The following CACNA1E variants were observed in gnomAD, a reference collection of about 807,000 sequenced individuals.
CACNA1E encodes voltage-dependent R-type calcium channel subunit alpha-1E.
Under a neutral mutation model 259.2 loss-of-function variants are expected in CACNA1E, and 40 were observed. The observed-to-expected ratio is 0.15, with a 90% CI of 0.12 to 0.20. The LOEUF (loss-of-function observed/expected upper bound fraction) is 0.20, where lower values mean the gene tolerates loss of function less well. Among genes scored for constraint, CACNA1E ranks in the 10% least tolerant of loss-of-function variants. CACNA1E has a pLI of 1.00. For missense variants in CACNA1E, 1,874 were observed against 3,040.1 expected (o/e 0.62, Z 9.02); for synonymous variants, 1,104 against 1,138.5 (o/e 0.97, Z 0.61).
intron 26 of CACNA1E, chr1:181,751,911 G>A: frequency 6.0e-6 from 4 of 661,316 alleles, no homozygotes; most frequent in South Asian, 6.0e-5. Flanking sequence ...GTGTGTACGT[G>A]CATGTGGATG....
At chr1:181,350,685 G>A (rs1652979789) in intron 1 of CACNA1E, among the ~76,000 whole-genome samples, 1 of 152,134 alleles carries the variant, frequency 6.6e-6, no homozygotes, top group South Asian at 2.1e-4. Flanking sequence ...CACCCAGACT[G>A]GGGCTCTGTT....
chr1:181,402,953 G>A (rs919189850), intron 1 of CACNA1E, among the ~76,000 whole-genome samples: 4 of 152,086 alleles, frequency 2.6e-5, no homozygotes, highest in Admixed American at 6.5e-5. Context: ...TTACTTAATG[G>A]GAAAGATAAA....
At chr1:181,757,817 T>G in intron 30 of CACNA1E, 130 bp from the exon 31 acceptor site, 2 of 925,500 alleles carry the variant, frequency 2.2e-6, no homozygotes, top group African/African-American at 1.6e-5. Flanking sequence ...TGACCCCAGT[T>G]GCCATCTTTA....
At chr1:181,329,211 GTCT>G (rs1179328076) in intron 1 of CACNA1E, among the ~76,000 whole-genome samples, 1 of 151,994 alleles carries the variant, frequency 6.6e-6, no homozygotes, top group East Asian at 1.9e-4. Flanking sequence ...TCTCGACCTT[GTCT>G]TCTTCTCTCC....
At chr1:181,438,248 C>A (rs1660222144) in intron 2 of CACNA1E, among the ~76,000 whole-genome samples, 1 of 152,166 alleles carries the variant, frequency 6.6e-6, no homozygotes, top group East Asian at 1.9e-4. Context: ...CTTCCGGCCC[C>A]TTTTCTTAGG....
At chr1:181,494,316 GTTT>G (rs80037910) in intron 1 of CACNA1E, among the ~76,000 whole-genome samples, 1 of 136,446 alleles carries the variant, frequency 7.3e-6, no homozygotes, top group Non-Finnish European at 1.6e-5. Context: ...TTAAAGTGGT[GTTT>G]TTTTTTTTTT....
chr1:181,644,253 G>A (rs1363068233), intron 6 of CACNA1E, among the ~76,000 whole-genome samples: 1 of 152,186 alleles, frequency 6.6e-6, no homozygotes, highest in Non-Finnish European at 1.5e-5. Flanking sequence ...TCAAGGGTTT[G>A]CAAGAAGTTG....
In CACNA1E at chr1:181,503,822, G is replaced by T. The variant is rs547663084; in HGVS notation, c.267-6655G>T. ...AACCCTTCATTGACTCTTGAGTACT[G>T]TGTTGGGACAGCTTTTGCAGTCGGA... On this transcript the variant is annotated intron_variant, in intron 1 of 47. Transcript: ENST00000367573. Among the ~76,000 whole-genome samples, 5 of 152,348 alleles carry T rather than the reference G, an allele frequency of 3.3e-5. No homozygotes were observed. In the East Asian group the frequency reaches 9.6e-4, roughly 29 times the overall value.
At chr1:181,626,968 T>C (rs980617255) in intron 6 of CACNA1E, among the ~76,000 whole-genome samples, 4 of 152,214 alleles carry the variant, frequency 2.6e-5, no homozygotes, top group Admixed American at 6.5e-5. Flanking sequence ...TGCATTGGTG[T>C]AAAATGTGCA....
chr1:181,631,986 C>T (rs952800083), intron 6 of CACNA1E, among the ~76,000 whole-genome samples: 9 of 152,188 alleles, frequency 5.9e-5, no homozygotes, highest in Non-Finnish European at 1.3e-4. Context: ...AGAATTAGGG[C>T]ACGAAGTGCA....
chr1:181,793,574 C>T (rs1183110708), intron 44 of CACNA1E, 91 bp from the exon 45 acceptor site: 4 of 1,392,306 alleles, frequency 2.9e-6, no homozygotes, highest in Admixed American at 2.4e-5. Context: ...CTTTTGAAAG[C>T]CATTCTTGAG....
upstream of CACNA1E, among the ~76,000 whole-genome samples, chr1:181,478,640 A>G (rs201362078): frequency 8.1e-3 from 937 of 115,088 alleles, 4 homozygotes; most frequent in African/African-American, 9.9e-3. Flanking sequence ...TGTAACTGGC[A>G]GGGTGGGGGA....
intron 1 of CACNA1E, among the ~76,000 whole-genome samples, chr1:181,318,358 T>C (rs2243949): frequency 0.95 from 145,388 of 152,292 alleles, 69,455 homozygotes; most frequent in East Asian, 1. Context: ...TTGCAACTTC[T>C]GTGGGAATTG....
At chr1:181,575,096 T>TG (rs1171836092) in intron 3 of CACNA1E, among the ~76,000 whole-genome samples, 2 of 152,090 alleles carry the variant, frequency 1.3e-5, no homozygotes, top group Non-Finnish European at 1.5e-5. Context: ...CTGTCATTCC[T>TG]GCCTCAAGGA....
chr1:181,708,766 C>T (rs185159442), intron 7 of CACNA1E, among the ~76,000 whole-genome samples: 1 of 152,304 alleles, frequency 6.6e-6, no homozygotes, highest in Admixed American at 6.5e-5. Flanking sequence ...ATGAAAATAC[C>T]TATTCTACCT....
intron 23 of CACNA1E, 105 bp downstream of exon 23, chr1:181,737,759 G>A: frequency 2.1e-6 from 3 of 1,461,744 alleles, no homozygotes; most frequent in East Asian, 2.3e-5. Context: ...TGGGGAATGA[G>A]CAAGGGTTGG....
chr1:181,702,901 T>C (rs1652415572), intron 7 of CACNA1E, among the ~76,000 whole-genome samples: 1 of 152,272 alleles, frequency 6.6e-6, no homozygotes, highest in African/African-American at 2.4e-5. Context: ...CTGTTTATTA[T>C]GCTTATTTAT....
At chr1:181,355,419 C>G (rs1653349590) in intron 1 of CACNA1E, among the ~76,000 whole-genome samples, 1 of 152,072 alleles carries the variant, frequency 6.6e-6, no homozygotes, top group South Asian at 2.1e-4. Context: ...AAAACCCTGT[C>G]TCTACTAAAA....
intron 6 of CACNA1E, among the ~76,000 whole-genome samples, chr1:181,581,266 T>A (rs763519900): frequency 1.4e-4 from 21 of 152,118 alleles, no homozygotes; most frequent in South Asian, 4.1e-4. Flanking sequence ...TAGGAATATT[T>A]AGGGGTGAAG....
Sources: gnomAD v4.1 joint callset for allele counts (sites outside exome capture counted in the v4.1 genomes callset) on GRCh38, gnomAD v4.1.1 for gene constraint, MANE v1.5 for transcripts, NCBI Gene and HGNC (gene_info 2026-07-23, HGNC 2026-07-21) for gene names.